ADAM12: variants seen among roughly 807,000 people sequenced by gnomAD.
ADAM12 encodes disintegrin and metalloproteinase domain-containing protein 12.
A neutral mutation model predicts 106.4 loss-of-function variants in ADAM12; 70 were observed. The observed-to-expected ratio is 0.66, with a 90% CI of 0.54 to 0.80. ADAM12 has a LOEUF of 0.80. Ranked by LOEUF, ADAM12 falls within the 30% of genes least tolerant of loss-of-function variation. The probability of loss-of-function intolerance (pLI) is 0.00; values close to 1 mark genes in which losing one functional copy is unlikely to be tolerated. For synonymous variants in ADAM12, 420 were observed against 433.5 expected, an observed-to-expected ratio of 0.97 and a Z score of 0.39; for missense variants, 1,010 against 1,171.9, an observed-to-expected ratio of 0.86 and a Z score of 2.02.
intron 8 of ADAM12, among the ~76,000 whole-genome samples, chr10:126,106,244 T>C (rs1955765068): frequency 6.6e-6 from 1 of 152,090 alleles, no homozygotes; most frequent in South Asian, 2.1e-4. Flanking sequence ...CTAGCACTCA[T>C]CCCTCGTCCT....
At chr10:126,251,305 G>A (rs1253025337) in intron 3 of ADAM12, among the ~76,000 whole-genome samples, 1 of 152,194 alleles carries the variant, frequency 6.6e-6, no homozygotes, top group Non-Finnish European at 1.5e-5. Context: ...TGTCTTGCCT[G>A]CAATCAAAGA....
intron 1 of ADAM12, among the ~76,000 whole-genome samples, chr10:126,372,515 C>T (rs749111887): frequency 1.3e-5 from 2 of 152,200 alleles, no homozygotes; most frequent in Non-Finnish European, 2.9e-5. Flanking sequence ...AGAATTCTGG[C>T]CATGATCCAA....
intron 3 of ADAM12, among the ~76,000 whole-genome samples, chr10:126,242,109 T>A (rs1258596253): frequency 6.6e-6 from 1 of 152,180 alleles, no homozygotes; most frequent in African/African-American, 2.4e-5. Context: ...TGCATGCAAA[T>A]CAAATTTTTA....
At chr10:126,341,294 T>G (rs555203870) in intron 1 of ADAM12, among the ~76,000 whole-genome samples, 11 of 152,326 alleles carry the variant, frequency 7.2e-5, no homozygotes, top group Non-Finnish European at 1.3e-4. Context: ...GGTAGGGGCC[T>G]CGTCTATCAA....
intron 3 of ADAM12, among the ~76,000 whole-genome samples, chr10:126,265,686 T>A (rs1959084520): frequency 6.6e-6 from 1 of 152,146 alleles, no homozygotes; most frequent in African/African-American, 2.4e-5. Flanking sequence ...ACCAAGAGGA[T>A]GAAATCAGCA....
At chr10:126,181,902 T>C (rs891596529) in intron 3 of ADAM12, among the ~76,000 whole-genome samples, 2 of 152,178 alleles carry the variant, frequency 1.3e-5, no homozygotes. Context: ...GGAGATTACA[T>C]GATTTCTGGG....
intron 17 of ADAM12, among the ~76,000 whole-genome samples, chr10:126,045,099 C>T (rs1270783641): frequency 6.6e-6 from 1 of 152,192 alleles, no homozygotes; most frequent in East Asian, 1.9e-4. Flanking sequence ...GGGAGTGGTC[C>T]AGGGTCCTCA....
intron 1 of ADAM12, among the ~76,000 whole-genome samples, chr10:126,386,048 G>A (rs1856649192): frequency 6.6e-6 from 1 of 152,138 alleles, no homozygotes. Flanking sequence ...GAAGTGGGTA[G>A]GTGGGAATAT....
intron 6 of ADAM12, among the ~76,000 whole-genome samples, chr10:126,112,030 GT>G (rs1202771006): frequency 6.6e-6 from 1 of 152,198 alleles, no homozygotes; most frequent in African/African-American, 2.4e-5. Flanking sequence ...TAAAGAAAAT[GT>G]GGTATATACA....
At chr10:126,270,465 G>T (rs1374274137) in intron 3 of ADAM12, among the ~76,000 whole-genome samples, 2 of 152,142 alleles carry the variant, frequency 1.3e-5, no homozygotes, top group Admixed American at 1.3e-4. Flanking sequence ...AGCCACACGT[G>T]GCTATTGAAT....
At chr10:126,191,965 G>A (rs535558101) in intron 3 of ADAM12, among the ~76,000 whole-genome samples, 5 of 152,286 alleles carry the variant, frequency 3.3e-5, no homozygotes, top group Non-Finnish European at 7.4e-5. Flanking sequence ...GCTGGATGAG[G>A]AAGAGAGAGA....
intron 3 of ADAM12, among the ~76,000 whole-genome samples, chr10:126,230,299 C>T (rs1958285215): frequency 6.6e-6 from 1 of 152,198 alleles, no homozygotes; most frequent in Non-Finnish European, 1.5e-5. Flanking sequence ...GCTAACACTG[C>T]TCCTGGCATT....
intron 2 of ADAM12, among the ~76,000 whole-genome samples, chr10:126,297,587 G>A (rs760368787): frequency 5.3e-5 from 8 of 152,196 alleles, no homozygotes; most frequent in African/African-American, 1.4e-4. Context: ...GGAACCACAC[G>A]ATGTGATATT....
At chr10:126,328,752 G>A (rs1854395867) in intron 2 of ADAM12, among the ~76,000 whole-genome samples, 2 of 152,224 alleles carry the variant, frequency 1.3e-5, no homozygotes, top group African/African-American at 2.4e-5. Flanking sequence ...TGCAGTAGGT[G>A]TATGCCTGTC....
chr10:126,256,018 G>A (rs1329985690), intron 3 of ADAM12, among the ~76,000 whole-genome samples: 2 of 152,234 alleles, frequency 1.3e-5, no homozygotes, highest in Admixed American at 6.5e-5. Context: ...CGCCCACCAC[G>A]GCTGGTAGTT....
chr10:126,275,002 C>A (rs182980003), intron 3 of ADAM12, among the ~76,000 whole-genome samples: 1 of 152,286 alleles, frequency 6.6e-6, no homozygotes, highest in Admixed American at 6.5e-5. Flanking sequence ...TCGTTCTAGG[C>A]AAAATAAGTC....
intron 3 of ADAM12, among the ~76,000 whole-genome samples, chr10:126,240,119 T>C (rs1238706344): frequency 6.6e-6 from 1 of 150,420 alleles, no homozygotes; most frequent in Admixed American, 6.6e-5. Flanking sequence ...AGTGAAGTGC[T>C]GTATCCATTG....
chr10:126,270,653 T>C (rs1015000418), intron 3 of ADAM12, among the ~76,000 whole-genome samples: 1 of 152,350 alleles, frequency 6.6e-6, no homozygotes, highest in Non-Finnish European at 1.5e-5. Flanking sequence ...TCTGGTTAAA[T>C]AGCGGTGGCG....
intron 14 of ADAM12, among the ~76,000 whole-genome samples, chr10:126,051,540 T>G (rs373528636): frequency 5.8e-3 from 310 of 53,690 alleles, no homozygotes; most frequent in African/African-American, 0.015. Flanking sequence ...CAGCCACCCA[T>G]CCATCCATCC....
Sources: allele counts gnomAD v4.1 joint callset (sites outside exome capture counted in the v4.1 genomes callset), GRCh38; gene constraint gnomAD v4.1.1; transcripts MANE v1.5; gene names NCBI Gene and HGNC (gene_info 2026-07-23, HGNC 2026-07-21).